Variants in C3orf33 observed in about 807,000 individuals in gnomAD.
C3orf33 encodes mitochondrial inner membrane subdomain organizer 1.
Under a neutral mutation model 28.7 loss-of-function variants are expected in C3orf33, and 23 were observed. The ratio of observed to expected loss-of-function variants is 0.80; its 90% confidence interval spans 0.58 to 1.13. C3orf33 has a LOEUF of 1.13. Ranked by LOEUF, C3orf33 falls within the 50% of genes most tolerant of loss-of-function variation. The pLI is 0.00. For synonymous variants in C3orf33, 119 were observed against 120.5 expected, an observed-to-expected ratio of 0.99 and a Z score of 0.08; for missense variants, 327 against 353.4, an observed-to-expected ratio of 0.93 and a Z score of 0.60.
At chr3:155,777,864 G>A (rs1750797012) in intron 2 of C3orf33, among the ~76,000 whole-genome samples, 1 of 151,894 alleles carries the variant, frequency 6.6e-6, no homozygotes, top group Non-Finnish European at 1.5e-5. Flanking sequence ...TTTAAGTAGG[G>A]GTAATGGCCA....
intron 2 of C3orf33, among the ~76,000 whole-genome samples, chr3:155,776,714 C>T (rs1750757896): frequency 6.9e-6 from 1 of 144,890 alleles, no homozygotes; most frequent in Non-Finnish European, 1.5e-5. Flanking sequence ...CATAATAGCA[C>T]CACTACACTC....
At chr3:155,769,235 T>C (rs1750501584) in intron 3 of C3orf33, among the ~76,000 whole-genome samples, 1 of 151,660 alleles carries the variant, frequency 6.6e-6, no homozygotes, top group Admixed American at 6.6e-5. Flanking sequence ...GTGCTTGAAT[T>C]TGGGAGGCGG....
intron 1 of C3orf33, among the ~76,000 whole-genome samples, chr3:155,803,408 A>G (rs1751710334): frequency 6.6e-6 from 1 of 151,856 alleles, no homozygotes; most frequent in South Asian, 2.1e-4. Flanking sequence ...TACTAAAAAT[A>G]CAAAAAATTA....
chr3:155,787,419 G>A (rs563226958), intron 2 of C3orf33, among the ~76,000 whole-genome samples: 35 of 147,880 alleles, frequency 2.4e-4, no homozygotes, highest in African/African-American at 7.5e-4. Flanking sequence ...GCATGATCTC[G>A]GCTCACTGTG....
chr3:155,779,532 T>C (rs1173502443), intron 2 of C3orf33, among the ~76,000 whole-genome samples: 2 of 152,194 alleles, frequency 1.3e-5, no homozygotes, highest in Non-Finnish European at 2.9e-5. Context: ...TGACCTCATG[T>C]GATCCGCCTG....
intron 2 of C3orf33, among the ~76,000 whole-genome samples, chr3:155,778,141 CAAA>C (rs55700532): frequency 4.6e-4 from 35 of 75,770 alleles, no homozygotes; most frequent in Non-Finnish European, 2.3e-4. Context: ...AACTCCATTT[CAAA>C]AAAAAAAAAA....
At chr3:155,803,331 C>T (rs924163436) in intron 1 of C3orf33, among the ~76,000 whole-genome samples, 5 of 151,890 alleles carry the variant, frequency 3.3e-5, no homozygotes, top group South Asian at 2.1e-4. Flanking sequence ...TTTGGGAGGC[C>T]GAGGCAGGCA....
chr3:155,802,692 T>C (rs1751684428), intron 1 of C3orf33, 101 bp from the exon 2 acceptor site: 2 of 840,062 alleles, frequency 2.4e-6, no homozygotes, highest in East Asian at 5.3e-5. Context: ...CCTCTCTATA[T>C]CTAATGTGTA....
At chr3:155,788,868 AAATAG>A (rs1406210526) in intron 2 of C3orf33, among the ~76,000 whole-genome samples, 2 of 152,182 alleles carry the variant, frequency 1.3e-5, no homozygotes, top group African/African-American at 2.4e-5. Context: ...AAGGCATCTA[AAATAG>A]AATAGAAGAA....
chr3:155,782,453 T>C (rs1387899914), intron 2 of C3orf33, among the ~76,000 whole-genome samples: 1 of 152,044 alleles, frequency 6.6e-6, no homozygotes, highest in Admixed American at 6.6e-5. Context: ...CAGGCCAAGA[T>C]ATTAGCAAAC....
intron 2 of C3orf33, among the ~76,000 whole-genome samples, chr3:155,793,829 T>TAAAAAAAAAAA (rs1751391618): frequency 0.012 from 1,056 of 84,500 alleles, 247 homozygotes; most frequent in Non-Finnish European, 0.02. Flanking sequence ...AAAAAAAAAC[T>TAAAAAAAAAAA]AAAAAAACTA....
At chr3:155,781,008 T>C (rs927930628) in intron 2 of C3orf33, among the ~76,000 whole-genome samples, 1 of 150,162 alleles carries the variant, frequency 6.7e-6, no homozygotes, top group Non-Finnish European at 1.5e-5. Flanking sequence ...TTTTTTTTTT[T>C]GAGACGGAGT....
intron 2 of C3orf33, among the ~76,000 whole-genome samples, chr3:155,792,395 T>C (rs1298133743): frequency 6.6e-6 from 1 of 152,054 alleles, no homozygotes; most frequent in Admixed American, 6.6e-5. Context: ...ATGAAGACTA[T>C]AATAAATACC....
chr3:155,785,283 A>C lies in C3orf33; in HGVS notation c.175-9435T>G, dbSNP rs117803614. Among the ~76,000 whole-genome samples the C allele has an allele frequency of 5.9e-5, 9 of 152,318 alleles. No homozygotes were observed. In the East Asian group the frequency reaches 1.7e-3, roughly 29 times the overall value. On this transcript the variant is annotated intron_variant, in intron 2 of 4. Transcript: ENST00000340171. ...ATAACAGAGACAACACCCCACTCTC[A>C]TAATGAATAGAATAGCCAGACAGAA...
At position 155,779,642 on chromosome 3, in the gene C3orf33, GA is replaced by G. The variant is rs1165379252; in HGVS notation, c.175-3795del. On this transcript the variant is annotated intron_variant, in intron 2 of 4. Coordinates refer to ENST00000340171, the MANE Select transcript of C3orf33 (RefSeq NM_001308229.2). The stretch of plus-strand genomic sequence containing the variant: ...GCTTTAACAAACTGGAGCAAAGCCA[GA>G]AGAAGGGCAAAAAAAAAATAGGCAC... 9.9e-5 allele frequency among the ~76,000 whole-genome samples: 15 copies of G among 151,668 alleles called. No homozygotes were observed. In the South Asian group the frequency reaches 2.9e-3, roughly 30 times the overall value.
intron 2 of C3orf33, among the ~76,000 whole-genome samples, chr3:155,797,635 A>C (rs1751519164): frequency 6.6e-6 from 1 of 152,264 alleles, no homozygotes; most frequent in Non-Finnish European, 1.5e-5. Context: ...AATATATAAA[A>C]ATCAGTGGCA....
chr3:155,804,454 A>G (rs1374543333), intron 1 of C3orf33, among the ~76,000 whole-genome samples: 1 of 152,234 alleles, frequency 6.6e-6, no homozygotes, highest in Non-Finnish European at 1.5e-5. Flanking sequence ...CATTACTCTA[A>G]GAACTGGGGC....
chr3:155,777,165 T>C (rs1750775008), intron 2 of C3orf33, among the ~76,000 whole-genome samples: 1 of 151,758 alleles, frequency 6.6e-6, no homozygotes, highest in Non-Finnish European at 1.5e-5. Context: ...AAATACAAAA[T>C]TAGTCGGGCG....
intron 2 of C3orf33, among the ~76,000 whole-genome samples, chr3:155,788,545 T>C (rs1036676052): frequency 1.9e-4 from 29 of 151,838 alleles, no homozygotes; most frequent in Admixed American, 1.9e-3. Context: ...TAGCTGGCTG[T>C]GGTGGCACAG....
Sources: allele counts gnomAD v4.1 joint callset (sites outside exome capture counted in the v4.1 genomes callset), GRCh38; gene constraint gnomAD v4.1.1; transcripts MANE v1.5; gene names NCBI Gene and HGNC (gene_info 2026-07-23, HGNC 2026-07-21).